The following CDC40 variants were observed in gnomAD, a reference collection of about 807,000 sequenced individuals.
The protein encoded by CDC40 is cell division cycle 40, also known as pre-mRNA-processing factor 17.
CDC40 carries 27 observed loss-of-function variants against 80.6 expected under a neutral mutation model. That is an observed-to-expected ratio of 0.33 (90% confidence interval 0.25 to 0.46). CDC40 has a LOEUF of 0.46. CDC40 is among the 20% of genes least tolerant of loss of function. The pLI, the probability that CDC40 is intolerant of heterozygous loss-of-function variation, is 1.00. For synonymous variants in CDC40, 221 were observed against 232.6 expected, an observed-to-expected ratio of 0.95 and a Z score of 0.45; for missense variants, 486 against 694.1, an observed-to-expected ratio of 0.70 and a Z score of 3.37.
chr6:110,219,328 T>A (rs1225802121), intron 10 of CDC40, 36 bp from the exon 11 acceptor site: 1 of 972,674 alleles, frequency 1.0e-6, no homozygotes. Context: ...GTGGTCAAAT[T>A]TATTTTACCT....
At chr6:110,218,900 C>T (rs1777732730) in intron 10 of CDC40, among the ~76,000 whole-genome samples, 3 of 150,344 alleles carry the variant, frequency 2.0e-5, no homozygotes, top group African/African-American at 7.4e-5. Context: ...ATTTGCGGCA[C>T]TCAGTAAAGG....
rs201893649 is a variant in CDC40 at position 110,212,310 on chromosome 6, T to C, written c.867+38T>C. 190 of 1,604,414 alleles carry C rather than the reference T, an allele frequency of 1.2e-4. No individual in the cohort carries two copies. The African/African-American group carries it at 2.1e-3, about 17-fold the overall frequency. On this transcript the variant is annotated intron_variant, in intron 7 of 14. Coordinates refer to ENST00000307731, the MANE Select transcript of CDC40 (RefSeq NM_015891.3). ...GTTGTTTCTGTTTGCTGTAATGTTA[T>C]AATAATGAAGCCAACGTAAAGTTTT...
intron 1 of CDC40, among the ~76,000 whole-genome samples, chr6:110,184,655 C>T (rs373322998): frequency 1.3e-5 from 2 of 151,578 alleles, no homozygotes; most frequent in South Asian, 4.2e-4. Context: ...TTACTACCGC[C>T]TCCAGGAAGA....
At chr6:110,228,646 A>G (rs1777895867) in intron 13 of CDC40, among the ~76,000 whole-genome samples, 186 bp from the exon 14 acceptor site, 1 of 152,138 alleles carries the variant, frequency 6.6e-6, no homozygotes, top group South Asian at 2.1e-4. Context: ...ATTAGTTTAT[A>G]TATTAATACC....
chr6:110,196,078 C>A (rs906004329), intron 2 of CDC40, among the ~76,000 whole-genome samples: 2 of 152,178 alleles, frequency 1.3e-5, no homozygotes, highest in Non-Finnish European at 2.9e-5. Context: ...TCATCTCCTT[C>A]AGTCCTCACT....
chr6:110,195,811 T>G (rs140370543), intron 2 of CDC40, among the ~76,000 whole-genome samples: 1 of 152,236 alleles, frequency 6.6e-6, no homozygotes, highest in African/African-American at 2.4e-5. Flanking sequence ...AATTGAGAGA[T>G]AAGACTAGGA....
intron 12 of CDC40, among the ~76,000 whole-genome samples, chr6:110,225,286 A>G (rs377065908): frequency 1.7e-3 from 256 of 152,334 alleles, no homozygotes; most frequent in African/African-American, 5.5e-3. Context: ...TACAAAAAAA[A>G]TATTTCTGGT....
At chr6:110,182,197 C>A (rs1267279149) in intron 1 of CDC40, among the ~76,000 whole-genome samples, 1 of 152,182 alleles carries the variant, frequency 6.6e-6, no homozygotes, top group Non-Finnish European at 1.5e-5. Context: ...AACAGTAGTA[C>A]CTATCTAACA....
chr6:110,193,987 T>G (rs1350609199), intron 2 of CDC40, among the ~76,000 whole-genome samples: 1 of 152,162 alleles, frequency 6.6e-6, no homozygotes, highest in Non-Finnish European at 1.5e-5. Flanking sequence ...GCCCCTGAAG[T>G]GTCATACTGA....
intron 1 of CDC40, among the ~76,000 whole-genome samples, chr6:110,191,660 T>C (rs978079988): frequency 2.0e-5 from 3 of 152,076 alleles, no homozygotes; most frequent in African/African-American, 4.8e-5. Flanking sequence ...ACGGTAAGTA[T>C]AGAGACCCCA....
intron 12 of CDC40, among the ~76,000 whole-genome samples, chr6:110,220,606 G>C (rs546844531): frequency 6.6e-6 from 1 of 151,832 alleles, no homozygotes; most frequent in East Asian, 1.9e-4. Flanking sequence ...CACCACGCCC[G>C]GCTAATTTTT....
chr6:110,230,092 A>G lies in CDC40; in HGVS notation c.1701A>G (p.Ile567Met). ...ATCCTCATGAAACTTCTAAGGTCAT[A>G]ACATGTGGTTGGGATGGTCTCATTA... ...VWHPHETSKV[I>M]TCGWDGLIKL... The change falls in exon 15 of 15, where the codon ATA becomes ATG. Residue 567 changes from isoleucine to methionine, a missense_variant. Physicochemically the swap from Ile to Met is conservative, Grantham distance 10. This residue lies in a region of CDC40 where 88 missense variants were observed against 138.7 expected (regional missense o/e 0.63). Transcript: ENST00000307731. 3 of 1,612,616 alleles carry G rather than the reference A, an allele frequency of 1.9e-6. No homozygotes were observed. Among genetic ancestry groups the G allele is most frequent in the Non-Finnish European group, 2.5e-6 (3 of 1,178,796 alleles).
intron 1 of CDC40, 36 bp from the exon 2 acceptor site, chr6:110,193,146 A>G (rs1456422591): frequency 1.6e-6 from 2 of 1,243,122 alleles, no homozygotes; most frequent in Non-Finnish European, 2.4e-6. Flanking sequence ...ATAGTCATTT[A>G]TCAGATCATT....
In CDC40 at chr6:110,220,611, A is replaced by G. The variant is rs566347803; in HGVS notation, c.1340+742A>G. 2.0e-5 allele frequency among the ~76,000 whole-genome samples: 3 copies of G among 151,878 alleles called. No individual in the cohort carries two copies. In the East Asian group the frequency reaches 5.8e-4, roughly 29 times the overall value. On this transcript the variant is annotated intron_variant, in intron 12 of 14. Transcript: ENST00000307731. ...AGGCGCCCGCCACCACGCCCGGCTA[A>G]TTTTTTGTATTTTTTAGTAGAGATG...
chr6:110,199,866 TG>T (rs1484704118), intron 2 of CDC40, among the ~76,000 whole-genome samples: 1 of 152,084 alleles, frequency 6.6e-6, no homozygotes, highest in Non-Finnish European at 1.5e-5. Flanking sequence ...GCTCTGTGGA[TG>T]ATAGCTTCTG....
chr6:110,196,651 T>A (rs1463934041), intron 2 of CDC40, among the ~76,000 whole-genome samples: 4 of 152,158 alleles, frequency 2.6e-5, no homozygotes. Context: ...CTGTAAATAT[T>A]AATGTTATGA....
intron 12 of CDC40, 66 bp from the exon 13 acceptor site, chr6:110,226,101 C>A: frequency 1.2e-6 from 1 of 804,454 alleles, no homozygotes; most frequent in South Asian, 1.5e-5. Context: ...TTCCTTTGTT[C>A]CAGAGATAAT....
chr6:110,197,258 T>C (rs1486594626), intron 2 of CDC40, among the ~76,000 whole-genome samples: 1 of 152,224 alleles, frequency 6.6e-6, no homozygotes, highest in Non-Finnish European at 1.5e-5. Context: ...TCATACATAC[T>C]TTGGGTGTAG....
At chr6:110,201,788 A>AT in intron 3 of CDC40, 101 bp downstream of exon 3, 1 of 937,760 alleles carries the variant, frequency 1.1e-6, no homozygotes, top group Non-Finnish European at 1.6e-6. Flanking sequence ...AATTCACTGG[A>AT]TTCCTTCAGA....
Sources: allele counts gnomAD v4.1 joint callset (sites outside exome capture counted in the v4.1 genomes callset), GRCh38; gene constraint gnomAD v4.1.1; regional missense constraint gnomAD v4.1.1; transcripts MANE v1.5; gene names NCBI Gene and HGNC (gene_info 2026-07-23, HGNC 2026-07-21).